The following LCTL variants were observed in gnomAD, a reference collection of about 807,000 sequenced individuals.
LCTL encodes the protein lactase like, also known as lactase-like protein.
In LCTL, 76 loss-of-function variants were observed where a neutral mutation model predicts 75.8. The ratio of observed to expected loss-of-function variants is 1.00; its 90% CI spans 0.83 to 1.21. The LOEUF (loss-of-function observed/expected upper bound fraction) is 1.21, where lower values mean the gene tolerates loss of function less well. LCTL is among the 50% of genes most tolerant of loss of function. The probability of loss-of-function intolerance (pLI) is 0.00; values close to 1 mark genes in which losing one functional copy is unlikely to be tolerated. For missense variants in LCTL, 670 were observed against 712.4 expected (o/e 0.94, Z 0.68); for synonymous variants, 271 against 268.8 (o/e 1.01, Z -0.08).
In LCTL at chr15:66,548,585, G is replaced by A. The variant is rs751117718; in HGVS notation, c.1609C>T (p.Gln537Ter). 2.5e-6 allele frequency: 4 copies of A among 1,606,958 alleles called. No individual in the cohort carries two copies. The African/African-American group carries it at 5.3e-5, about 21-fold the overall frequency. ...GGTACCACGATCTCCGTAACCATTT[G>A]CATGTGACTTAGCAAGGGCTCTGAA... Residue 537 changes from glutamine to a stop codon, truncating the protein, a stop_gained, in exon 13 of 13, where the codon CAA becomes TAA. Transcript: ENST00000341509. LOFTEE classifies it low-confidence loss of function (END_TRUNC).
At chr15:66,560,417 C>T (rs543664963) in intron 6 of LCTL, among the ~76,000 whole-genome samples, 4 of 152,272 alleles carry the variant, frequency 2.6e-5, no homozygotes, top group Admixed American at 6.5e-5. Flanking sequence ...CCGAATGGCC[C>T]CTTTACTCTC....
chr15:66,550,221 TTA>T (rs1895545824), intron 11 of LCTL, 117 bp from the exon 13 acceptor site: 1 of 627,820 alleles, frequency 1.6e-6, no homozygotes, highest in Non-Finnish European at 2.8e-6. Context: ...TATCTGTAGT[TTA>T]TGTTTTTAAA....
chr15:66,556,541 G>T (rs1358565907), intron 8 of LCTL, among the ~76,000 whole-genome samples: 2 of 152,262 alleles, frequency 1.3e-5, no homozygotes, highest in Admixed American at 1.3e-4. Context: ...CTGACCTCAG[G>T]TGATCTGCCC....
chr15:66,559,979 T>C (rs1895845108), intron 6 of LCTL, among the ~76,000 whole-genome samples: 1 of 150,412 alleles, frequency 6.6e-6, no homozygotes, highest in Non-Finnish European at 1.5e-5. Flanking sequence ...CCCAGCTACT[T>C]GGGAGAATGA....
chr15:66,554,123 T>C (rs1895684792), intron 8 of LCTL, among the ~76,000 whole-genome samples: 1 of 151,722 alleles, frequency 6.6e-6, no homozygotes, highest in African/African-American at 2.4e-5. Flanking sequence ...AAACCCCATC[T>C]CTACTAAAAA....
intron 8 of LCTL, among the ~76,000 whole-genome samples, chr15:66,553,953 C>G (rs948718063): frequency 6.7e-6 from 1 of 149,342 alleles, no homozygotes; most frequent in African/African-American, 2.5e-5. Flanking sequence ...ATCAGGAGTT[C>G]GCGACCAGCC....
intron 1 of LCTL, 46 bp from the exon 3 acceptor site, chr15:66,564,885 A>G: frequency 1.3e-6 from 2 of 1,574,328 alleles, no homozygotes; most frequent in Non-Finnish European, 1.7e-6. Flanking sequence ...CCCATGTGTC[A>G]CCCAGAGCCA....
rs753970820 is a variant in LCTL, at chr15:66,551,995, G to A, written c.1324+48C>T. The A allele has an allele frequency of 1.9e-6, 3 of 1,586,064 alleles. No individual in the cohort carries two copies. In the Admixed American group the frequency reaches 5.4e-5, roughly 29 times the overall value. On this transcript the variant is annotated intron_variant, in intron 10 of 12. Transcript: ENST00000341509. ...GTTGATTGTGTGTTAATCACATTTT[G>A]TCTCAGTTAAACGGGAAAACTGCAG...
chr15:66,552,297 A>G, intron 9 of LCTL, 128 bp from the exon 11 acceptor site: 1 of 665,342 alleles, frequency 1.5e-6, no homozygotes, highest in Non-Finnish European at 2.5e-6. Context: ...TTTGGCATTT[A>G]GTAGATGTCA....
At position 66,560,987 on chromosome 15, in the gene LCTL, C is replaced by A; in HGVS notation, c.705+19G>T. On this transcript the variant is annotated intron_variant, in intron 6 of 12. Coordinates refer to ENST00000341509, the Ensembl canonical transcript of LCTL. Reference sequence around the variant, plus strand: ...AGCTGACCCTGAGGCTGTTCCTCCACCAGAAGGACCCACCTCACCTTAATG... The same window carrying A: ...AGCTGACCCTGAGGCTGTTCCTCCAACAGAAGGACCCACCTCACCTTAATG... The A allele has an allele frequency of 6.2e-7, 1 of 1,612,058 alleles. No homozygotes were observed. Among genetic ancestry groups the A allele is most frequent in the Non-Finnish European group, 8.5e-7 (1 of 1,178,972 alleles).
rs1368776483 is a variant in LCTL at position 66,565,418 on chromosome 15, C to G, written c.-53G>C. The G allele has an allele frequency of 3.3e-6, 4 of 1,207,240 alleles. No individual in the cohort carries two copies. In the African/African-American group the frequency reaches 6.1e-5, roughly 18 times the overall value. The allele number at this position is 1,207,240 out of a possible 1,614,324, so 74.8% of individuals were successfully genotyped here. A position where few individuals can be genotyped will look rare whatever the true frequency, so the allele number is the denominator to read the frequency against. ...AAAGTGCAGCTGGCTCTGCAGGCCCCTGCAGCCAGGCTGATGGCCAGGTCT... is the reference window on the plus strand; with the variant it reads ...AAAGTGCAGCTGGCTCTGCAGGCCCGTGCAGCCAGGCTGATGGCCAGGTCT... On this transcript the variant is annotated 5_prime_UTR_variant, in exon 1 of 13. Coordinates refer to ENST00000341509, the Ensembl canonical transcript of LCTL.
exon 13 of LCTL, chr15:66,548,517 T>C: frequency 6.2e-7 from 1 of 1,610,372 alleles, no homozygotes; most frequent in Non-Finnish European, 8.5e-7. Flanking sequence ...GGAGGAGCAT[T>C]AGTAGAACAG....
chr15:66,562,014 T>G (rs1174849611), intron 4 of LCTL, among the ~76,000 whole-genome samples: 2 of 152,054 alleles, frequency 1.3e-5, no homozygotes, highest in East Asian at 3.9e-4. Flanking sequence ...TCCCCCTCTT[T>G]GCCATGCGCC....
At chr15:66,551,345 CAAAAA>C (rs67322943) in intron 11 of LCTL, among the ~76,000 whole-genome samples, 1 of 50,532 alleles carries the variant, frequency 2.0e-5, no homozygotes, top group African/African-American at 7.6e-5. Flanking sequence ...GATTCTGTCT[CAAAAA>C]AAAAAAAAAA....
intron 8 of LCTL, among the ~76,000 whole-genome samples, chr15:66,554,046 C>T (rs577762882): frequency 6.6e-6 from 1 of 151,962 alleles, no homozygotes; most frequent in South Asian, 2.1e-4. Context: ...AATTCCAGCA[C>T]TTTGGGAGGC....
At position 66,555,721 on chromosome 15, in the gene LCTL, A is replaced by G. The variant is rs1457083071; in HGVS notation, c.922+2001T>C. On this transcript the variant is annotated intron_variant, in intron 8 of 12. Transcript: ENST00000341509. Reference sequence around the variant, plus strand: ...AATTTTTAAAAATTTGGGAATCAAGACACTAGCAACAGAATAAAAAACCCA... The same window carrying G: ...AATTTTTAAAAATTTGGGAATCAAGGCACTAGCAACAGAATAAAAAACCCA... 3.3e-5 allele frequency among the ~76,000 whole-genome samples: 5 copies of G among 152,240 alleles called. No individual in the cohort carries two copies. The East Asian group carries it at 9.6e-4, about 29-fold the overall frequency.
chr15:66,564,524 G>T, intron 2 of LCTL, 152 bp downstream of exon 3: 1 of 859,014 alleles, frequency 1.2e-6, no homozygotes, highest in Non-Finnish European at 1.7e-6. Context: ...TGCCCCCTCT[G>T]GCTGCACTGG....
chr15:66,548,249 A>T (rs1051783315), exon 13 of LCTL: 106 of 321,444 alleles, frequency 3.3e-4, no homozygotes, highest in African/African-American at 2.0e-3. Context: ...TACATTCATT[A>T]TATACAGCAA....
chr15:66,561,484 C>T (rs1009871233), intron 4 of LCTL, among the ~76,000 whole-genome samples, 169 bp from the exon 6 acceptor site: 1 of 152,126 alleles, frequency 6.6e-6, no homozygotes, highest in Admixed American at 6.5e-5. Flanking sequence ...GAAAAATTGC[C>T]AGGGGAAAGG....
Sources: gnomAD v4.1 joint callset for allele counts (sites outside exome capture counted in the v4.1 genomes callset) on GRCh38, gnomAD v4.1.1 for gene constraint, MANE v1.5 for transcripts, NCBI Gene and HGNC (gene_info 2026-07-23, HGNC 2026-07-21) for gene names.